Variants in WWOX observed in about 807,000 individuals in gnomAD.
WWOX encodes WW domain-containing oxidoreductase.
In WWOX, 69 loss-of-function variants were observed where a neutral mutation model predicts 46.2. The observed-to-expected ratio is 1.49, with a 90% CI of 1.23 to 1.82. The LOEUF (loss-of-function observed/expected upper bound fraction) is 1.82, where lower values mean the gene tolerates loss of function less well. Ranked by LOEUF, WWOX falls within the 40% of genes most tolerant of loss-of-function variation. The probability of loss-of-function intolerance (pLI) is 0.00; values close to 1 mark genes in which losing one functional copy is unlikely to be tolerated. For missense variants in WWOX, 919 were observed against 542.6 expected, an observed-to-expected ratio of 1.69 and a Z score of -6.89; for synonymous variants, 359 against 202.6, an observed-to-expected ratio of 1.77 and a Z score of -6.56.
chr16:78,869,557 A>T (rs1474882465), intron 8 of WWOX, among the ~76,000 whole-genome samples: 1 of 152,248 alleles, frequency 6.6e-6, no homozygotes, highest in Non-Finnish European at 1.5e-5. Context: ...CAATTGAAAC[A>T]GCCGATTGAA....
intron 5 of WWOX, among the ~76,000 whole-genome samples, chr16:78,289,248 G>T (rs552745966): frequency 6.6e-6 from 1 of 152,132 alleles, no homozygotes; most frequent in African/African-American, 2.4e-5. Flanking sequence ...TTTTTAAGGC[G>T]TTTTTAGTGA....
chr16:78,257,985 G>T (rs1438815625), intron 5 of WWOX, among the ~76,000 whole-genome samples: 1 of 152,002 alleles, frequency 6.6e-6, no homozygotes, highest in Non-Finnish European at 1.5e-5. Context: ...TTGTTTCCCA[G>T]AAAAACAACT....
intron 4 of WWOX, among the ~76,000 whole-genome samples, chr16:78,144,445 A>ACGTGTG (rs1244011701): frequency 5.8e-5 from 1 of 17,100 alleles, no homozygotes; most frequent in African/African-American, 2.2e-4. Flanking sequence ...ATATATATAT[A>ACGTGTG]TACACATATA....
intron 8 of WWOX, among the ~76,000 whole-genome samples, chr16:78,959,733 C>G (rs910976739): frequency 6.6e-6 from 1 of 152,142 alleles, no homozygotes; most frequent in Non-Finnish European, 1.5e-5. Flanking sequence ...GGCCTAGGAG[C>G]CTTTCCATGA....
chr16:78,180,278 A>G (rs2035486660), intron 5 of WWOX, among the ~76,000 whole-genome samples: 1 of 152,154 alleles, frequency 6.6e-6, no homozygotes, highest in African/African-American at 2.4e-5. Context: ...ATCCAGCTTG[A>G]TTTTGAGGGA....
At chr16:78,610,615 G>C (rs1036904602) in intron 8 of WWOX, among the ~76,000 whole-genome samples, 2 of 152,110 alleles carry the variant, frequency 1.3e-5, no homozygotes, top group Non-Finnish European at 2.9e-5. Flanking sequence ...AGTTCTGAAA[G>C]TCTGTTTATA....
chr16:79,001,215 G>A (rs1272618346), intron 8 of WWOX, among the ~76,000 whole-genome samples: 5 of 152,130 alleles, frequency 3.3e-5, no homozygotes, highest in Non-Finnish European at 7.3e-5. Flanking sequence ...TCGAGGAACG[G>A]AGGCCGGTTA....
At chr16:78,100,043 G>T in intron 1 of WWOX, 158 bp downstream of exon 1, 1 of 1,428,358 alleles carries the variant, frequency 7.0e-7, no homozygotes, top group African/African-American at 1.5e-5. Context: ...AGGGTTCCCA[G>T]TAGGGGCCGG....
chr16:78,374,612 G>A (rs897414819), intron 5 of WWOX, among the ~76,000 whole-genome samples: 4 of 139,494 alleles, frequency 2.9e-5, no homozygotes, highest in African/African-American at 5.5e-5. Flanking sequence ...GCAGTGGCGC[G>A]ATCTTGGCTC....
intron 8 of WWOX, among the ~76,000 whole-genome samples, chr16:78,789,210 A>G (rs1433615802): frequency 2.0e-5 from 3 of 152,126 alleles, no homozygotes; most frequent in African/African-American, 4.8e-5. Context: ...CAGAAGGGAA[A>G]CATGGTTTCA....
chr16:78,145,881 G>A (rs1187701418), intron 4 of WWOX: 5 of 152,152 alleles, frequency 3.3e-5, no homozygotes, highest in Non-Finnish European at 7.3e-5. Context: ...GGGGGTTAGG[G>A]CTTCAGTGTA....
At chr16:79,122,048 C>A (rs531816973) in intron 8 of WWOX, among the ~76,000 whole-genome samples, 19 of 152,184 alleles carry the variant, frequency 1.2e-4, no homozygotes, top group African/African-American at 4.3e-4. Context: ...CTGATGGGTC[C>A]CAGCTGTGCA....
chr16:78,540,053 A>C (rs1387789787), intron 8 of WWOX, among the ~76,000 whole-genome samples: 2 of 129,198 alleles, frequency 1.5e-5, no homozygotes, highest in African/African-American at 5.6e-5. Context: ...CACACAGCCA[A>C]ATCAGACACC....
chr16:78,548,282 C>G (rs1353972405), intron 8 of WWOX, among the ~76,000 whole-genome samples: 1 of 151,812 alleles, frequency 6.6e-6, no homozygotes, highest in Non-Finnish European at 1.5e-5. Context: ...TTGGCAGTAG[C>G]CCTTGGATCC....
At chr16:78,263,060 C>T (rs76854997) in intron 5 of WWOX, among the ~76,000 whole-genome samples, 3,932 of 152,218 alleles carry the variant, frequency 0.026, 73 homozygotes, top group Non-Finnish European at 0.045. Flanking sequence ...CTTGGGCATC[C>T]GTCTTCCATT....
At chr16:78,925,454 A>G (rs1038179540) in intron 8 of WWOX, among the ~76,000 whole-genome samples, 4 of 152,314 alleles carry the variant, frequency 2.6e-5, no homozygotes, top group African/African-American at 9.6e-5. Context: ...TTGGTGTTAA[A>G]AAATGCCCTC....
In WWOX at chr16:78,883,233, T is replaced by C. The variant is rs564406962; in HGVS notation, c.1057-328375T>C. Among the ~76,000 whole-genome samples, 17 of 152,270 alleles carry C rather than the reference T, an allele frequency of 1.1e-4. 1 individual carries two copies. The East Asian group carries it at 3.1e-3, about 28-fold the overall frequency. On this transcript the variant is annotated intron_variant, in intron 8 of 8. Coordinates refer to ENST00000566780, the MANE Select transcript of WWOX (RefSeq NM_016373.4). ...TAAAGTAGCCTCCCCTCTTAAGCTT[T>C]GTGAACTTCAGCAAGCTCCTGAACC...
intron 8 of WWOX, among the ~76,000 whole-genome samples, chr16:79,082,569 A>G (rs2048780474): frequency 6.6e-6 from 1 of 152,150 alleles, no homozygotes; most frequent in African/African-American, 2.4e-5. Context: ...ATTGTGGTTC[A>G]TATCACTGTT....
chr16:78,810,271 C>A (rs1042182027), intron 8 of WWOX, among the ~76,000 whole-genome samples: 3 of 152,160 alleles, frequency 2.0e-5, no homozygotes, highest in Non-Finnish European at 4.4e-5. Context: ...CTGCAATTTC[C>A]ACCTGGATCT....
Sources: allele counts gnomAD v4.1 joint callset (sites outside exome capture counted in the v4.1 genomes callset), GRCh38; gene constraint gnomAD v4.1.1; transcripts MANE v1.5; gene names NCBI Gene and HGNC (gene_info 2026-07-23, HGNC 2026-07-21).